SLC39A8: variants seen among roughly 807,000 people sequenced by gnomAD.
The protein encoded by SLC39A8 is solute carrier family 39 member 8, also known as metal cation symporter ZIP8.
SLC39A8 carries 15 observed loss-of-function variants against 40.4 expected under a neutral mutation model. The observed-to-expected ratio is 0.37, with a 90% CI of 0.25 to 0.57. The LOEUF is 0.57. Among genes scored for constraint, SLC39A8 ranks in the 20% least tolerant of loss-of-function variants. The probability of loss-of-function intolerance (pLI) is 0.75; values close to 1 mark genes in which losing one functional copy is unlikely to be tolerated. For synonymous variants in SLC39A8, 223 were observed against 221.6 expected (o/e 1.01, Z -0.06); for missense variants, 472 against 558.8 (o/e 0.84, Z 1.57).
rs189151479 is a variant in SLC39A8, at chr4:102,327,619, A to T, written c.220-11789T>A. On this transcript the variant is annotated intron_variant, in intron 2 of 8. Transcript: ENST00000356736. ...TTAATGTGTGCTTCCATGTATTATT[A>T]TCTTCTCATGAAATGGATATTCCTT... Among the ~76,000 whole-genome samples, 28 of 152,326 alleles carry T rather than the reference A, an allele frequency of 1.8e-4. No individual in the cohort carries two copies. The East Asian group carries it at 5.0e-3, about 27-fold the overall frequency.
At chr4:102,328,556 G>T (rs1024475322) in intron 2 of SLC39A8, among the ~76,000 whole-genome samples, 3 of 152,178 alleles carry the variant, frequency 2.0e-5, no homozygotes, top group African/African-American at 7.2e-5. Context: ...AAATTTATCA[G>T]TTAAAAAGGT....
chr4:102,271,614 T>C (rs1732367469), intron 6 of SLC39A8, among the ~76,000 whole-genome samples: 1 of 152,208 alleles, frequency 6.6e-6, no homozygotes, highest in African/African-American at 2.4e-5. Context: ...GGTGGCTGTA[T>C]GTGGTAGCAG....
At chr4:102,295,109 A>G (rs1298209266) in intron 6 of SLC39A8, among the ~76,000 whole-genome samples, 1 of 148,430 alleles carries the variant, frequency 6.7e-6, no homozygotes, top group East Asian at 1.9e-4. Context: ...ATATATGTAT[A>G]TGATACATAT....
intron 4 of SLC39A8, among the ~76,000 whole-genome samples, chr4:102,306,324 A>C (rs1734170633): frequency 6.6e-6 from 1 of 151,882 alleles, no homozygotes; most frequent in Admixed American, 6.6e-5. Context: ...TACTCTTTTA[A>C]ATCAGAAAAT....
chr4:102,317,606 T>C (rs17032516), intron 2 of SLC39A8, among the ~76,000 whole-genome samples: 2,258 of 152,246 alleles, frequency 0.015, 59 homozygotes, highest in African/African-American at 0.052. Flanking sequence ...AATTGCTAGA[T>C]TCAAAAAGTA....
rs1024990755 is a variant in SLC39A8 at position 102,334,110 on chromosome 4, T to C, written c.219+10334A>G. On this transcript the variant is annotated intron_variant, in intron 2 of 8. Coordinates refer to ENST00000356736, the MANE Select transcript of SLC39A8 (RefSeq NM_001135146.2). The stretch of plus-strand genomic sequence containing the variant: ...AAAAAGCCAGAACCAATGGTTTGAA[T>C]AGTGACTGAGAGGTGAGAAAACAGA... Among the ~76,000 whole-genome samples the C allele has an allele frequency of 3.0e-4, 45 of 152,134 alleles. 5 individuals are homozygous for C. The highest frequency in any genetic ancestry group is 2.6e-3 in the Admixed American group (39 of 15,270).
Position 102,262,081 on chromosome 4 carries a change from T to C in SLC39A8, c.*963A>G, listed in dbSNP as rs768601694. 4 of 986,006 alleles carry C rather than the reference T, an allele frequency of 4.1e-6. No individual in the cohort carries two copies. The highest frequency in any genetic ancestry group is 4.7e-5 in the South Asian group (1 of 21,290). The allele number at this position is 986,006 out of a possible 1,614,324, so 61.1% of individuals were successfully genotyped here. On this transcript the variant is annotated 3_prime_UTR_variant, in exon 9 of 9. Transcript: ENST00000356736. Reference sequence around the variant, plus strand: ...CTCTCGATCACACATAAGGAACATATGTTTTCCAGTTAATCTGTCCTTGAT... The same window carrying C: ...CTCTCGATCACACATAAGGAACATACGTTTTCCAGTTAATCTGTCCTTGAT...
At chr4:102,253,154 T>C (rs1189934636) in exon 12 of SLC39A8, 2 of 239,286 alleles carry the variant, frequency 8.4e-6, no homozygotes, top group South Asian at 1.9e-4. Context: ...AAACATGTCG[T>C]TTTTCGGGGC....
rs553136534 is a variant in SLC39A8 at position 102,318,387 on chromosome 4, C to T, written c.220-2557G>A. On this transcript the variant is annotated intron_variant, in intron 2 of 8. Transcript: ENST00000356736. ...ATGATAAGAGAATGAGAACAGAATACGAACAGTGCAGCAGAACTGAATTAA... is the reference window on the plus strand; with the variant it reads ...ATGATAAGAGAATGAGAACAGAATATGAACAGTGCAGCAGAACTGAATTAA... 7.2e-5 allele frequency among the ~76,000 whole-genome samples: 11 copies of T among 152,196 alleles called. No homozygotes were observed. The East Asian group carries it at 1.2e-3, about 16-fold the overall frequency.
chr4:102,262,186 G>C lies in SLC39A8; in HGVS notation c.*858C>G. 1.0e-6 allele frequency: 1 copy of C among 985,744 alleles called. No homozygotes were observed. Among genetic ancestry groups the C allele is most frequent in the South Asian group, 4.7e-5 (1 of 21,272 alleles). The allele number at this position is 985,744 out of a possible 1,614,324, so 61.1% of individuals were successfully genotyped here. A position where few individuals can be genotyped will look rare whatever the true frequency, so the allele number is the denominator to read the frequency against. On this transcript the variant is annotated 3_prime_UTR_variant, in exon 9 of 9. Coordinates refer to ENST00000356736, the MANE Select transcript of SLC39A8 (RefSeq NM_001135146.2). Reference sequence around the variant, plus strand: ...TTATGTTTGTCTTTAAAAGTAAATTGCATAAAATTACATCCAATTTCTTTC... The same window carrying C: ...TTATGTTTGTCTTTAAAAGTAAATTCCATAAAATTACATCCAATTTCTTTC...
At chr4:102,318,142 T>C (rs1022884842) in intron 2 of SLC39A8, among the ~76,000 whole-genome samples, 1 of 152,134 alleles carries the variant, frequency 6.6e-6, no homozygotes, top group African/African-American at 2.4e-5. Context: ...CTGTACATCA[T>C]TAAAGACACC....
intron 2 of SLC39A8, among the ~76,000 whole-genome samples, chr4:102,343,275 T>G (rs1297572636): frequency 6.6e-6 from 1 of 152,208 alleles, no homozygotes; most frequent in Non-Finnish European, 1.5e-5. Flanking sequence ...AAGATATTTC[T>G]AACAAAAAGA....
chr4:102,259,605 A>G (rs1459561161), downstream of SLC39A8: 1 of 1,014,598 alleles, frequency 9.9e-7, no homozygotes. Context: ...TAGCCCCGCC[A>G]TGGCTTATTT....
chr4:102,310,220 C>T (rs750247578), intron 3 of SLC39A8, among the ~76,000 whole-genome samples: 4 of 152,046 alleles, frequency 2.6e-5, no homozygotes, highest in Admixed American at 6.6e-5. Context: ...GAAAGTCATA[C>T]GTGGCCTTCC....
At chr4:102,283,632 T>C (rs1473261188) in intron 6 of SLC39A8, among the ~76,000 whole-genome samples, 3 of 148,574 alleles carry the variant, frequency 2.0e-5, no homozygotes, top group Non-Finnish European at 4.5e-5. Flanking sequence ...ACATATAATC[T>C]ACTGTTTACA....
chr4:102,282,325 T>G (rs77855778), intron 6 of SLC39A8, among the ~76,000 whole-genome samples: 16,960 of 152,254 alleles, frequency 0.11, 1,341 homozygotes, highest in Non-Finnish European at 0.16. Context: ...CACAAATCAT[T>G]GTCCCATGAA....
intron 2 of SLC39A8, among the ~76,000 whole-genome samples, chr4:102,342,380 T>A (rs1419629824): frequency 5.3e-5 from 8 of 152,222 alleles, no homozygotes; most frequent in African/African-American, 1.9e-4. Context: ...ACGCCTGTAA[T>A]CCCAGCTACC....
chr4:102,294,188 T>C (rs1733585987), intron 6 of SLC39A8, among the ~76,000 whole-genome samples: 1 of 151,972 alleles, frequency 6.6e-6, no homozygotes. Flanking sequence ...AAAATTAACA[T>C]CCAGAATATA....
chr4:102,338,988 G>T (rs754444133), intron 2 of SLC39A8, among the ~76,000 whole-genome samples: 4 of 152,176 alleles, frequency 2.6e-5, no homozygotes, highest in Non-Finnish European at 4.4e-5. Flanking sequence ...ATGTGATTTT[G>T]GGAGTTAGAT....
Sources: gnomAD v4.1 joint callset for allele counts (sites outside exome capture counted in the v4.1 genomes callset) on GRCh38, gnomAD v4.1.1 for gene constraint, MANE v1.5 for transcripts, NCBI Gene and HGNC (gene_info 2026-07-23, HGNC 2026-07-21) for gene names.